The following RYR3 variants were observed in gnomAD, a reference collection of about 807,000 sequenced individuals.
RYR3 encodes the protein brain ryanodine receptor-calcium release channel.
Under a neutral mutation model 584.3 loss-of-function variants are expected in RYR3, and 207 were observed. The ratio of observed to expected loss-of-function variants is 0.35; its 90% CI spans 0.32 to 0.40. The LOEUF (loss-of-function observed/expected upper bound fraction) is 0.40, where lower values mean the gene tolerates loss of function less well. RYR3 is among the 10% of genes least tolerant of loss of function. RYR3 has a pLI of 1.00. For missense variants in RYR3, 5,616 were observed against 6,089.2 expected (o/e 0.92, Z 2.59); for synonymous variants, 2,416 against 2,248.5 (o/e 1.07, Z -2.11).
chr15:33,352,337 A>G (rs1973393422), intron 1 of RYR3, among the ~76,000 whole-genome samples: 1 of 151,128 alleles, frequency 6.6e-6, no homozygotes, highest in African/African-American at 2.4e-5. Context: ...TTTTATGGCC[A>G]TTTTCTTTAC....
At chr15:33,726,630 T>A in intron 46 of RYR3, 124 bp downstream of exon 46, 1 of 999,410 alleles carries the variant, frequency 1.0e-6, no homozygotes, top group South Asian at 1.9e-5. Context: ...ACAGGGCAAG[T>A]GTCTCACTCT....
intron 2 of RYR3, among the ~76,000 whole-genome samples, chr15:33,482,998 A>G (rs2050106029): frequency 6.6e-6 from 1 of 152,040 alleles, no homozygotes; most frequent in Non-Finnish European, 1.5e-5. Context: ...ATCTGCCTGA[A>G]TACTTTCCAT....
At chr15:33,772,680 A>G (rs1460476138) in intron 63 of RYR3, among the ~76,000 whole-genome samples, 2 of 152,196 alleles carry the variant, frequency 1.3e-5, no homozygotes, top group Non-Finnish European at 2.9e-5. Context: ...CCCTGTGCAG[A>G]TAGTCTGCCA....
At chr15:33,864,904 G>C in intron 103 of RYR3, 4 of 497,158 alleles carry the variant, frequency 8.0e-6, no homozygotes, top group Non-Finnish European at 1.4e-5. Flanking sequence ...GCTTGTTTGG[G>C]GCAGAGGGGG....
chr15:33,372,548 G>A (rs2040416348), intron 1 of RYR3, among the ~76,000 whole-genome samples: 1 of 151,748 alleles, frequency 6.6e-6, no homozygotes, highest in Non-Finnish European at 1.5e-5. Context: ...TGGATTTTTA[G>A]TAGAGACGAG....
Position 33,428,179 on chromosome 15 carries a change from A to G in RYR3, c.52-45240A>G, listed in dbSNP as rs907631249. 3.9e-5 allele frequency among the ~76,000 whole-genome samples: 6 copies of G among 152,332 alleles called. No homozygotes were observed. The South Asian group carries it at 1.0e-3, about 26-fold the overall frequency. ...GGATTTCCAGATAAGCTTATTGTTC[A>G]TCATATAGATGGCGCACATTTCCTT... On this transcript the variant is annotated intron_variant, in intron 1 of 103. Coordinates refer to ENST00000634891, the MANE Select transcript of RYR3 (RefSeq NM_001036.6).
At chr15:33,333,819 T>G (rs1198339405) in intron 1 of RYR3, among the ~76,000 whole-genome samples, 1 of 152,232 alleles carries the variant, frequency 6.6e-6, no homozygotes, top group African/African-American at 2.4e-5. Flanking sequence ...TAAAAGCTTC[T>G]TAAGCTGATA....
intron 19 of RYR3, among the ~76,000 whole-genome samples, chr15:33,617,963 G>A (rs2060534595): frequency 6.6e-6 from 1 of 152,110 alleles, no homozygotes; most frequent in South Asian, 2.1e-4. Context: ...TAGGCCCCCA[G>A]TGTAACAACC....
chr15:33,555,904 T>C (rs1033558879), intron 10 of RYR3, among the ~76,000 whole-genome samples: 5 of 152,208 alleles, frequency 3.3e-5, no homozygotes, highest in African/African-American at 1.2e-4. Flanking sequence ...TAGACTCTTA[T>C]CAATGTCCTG....
In RYR3 at chr15:33,367,634, A is replaced by G. The variant is rs967018804; in HGVS notation, c.51+56538A>G. ...GGAGCACAATTATTGGTTGTATACC[A>G]GGTGTGCTGGTAAAGGAGTTCATTC... On this transcript the variant is annotated intron_variant, in intron 1 of 103. Transcript: ENST00000634891. Among the ~76,000 whole-genome samples the G allele has an allele frequency of 1.4e-3, 207 of 152,352 alleles. 2 individuals are homozygous for G. The highest frequency in any genetic ancestry group is 4.8e-3 in the African/African-American group (199 of 41,580).
intron 1 of RYR3, among the ~76,000 whole-genome samples, chr15:33,404,530 C>T (rs1483501442): frequency 6.6e-6 from 1 of 150,938 alleles, no homozygotes; most frequent in African/African-American, 2.4e-5. Context: ...ACTAGCATAT[C>T]AATAAAATTA....
At chr15:33,523,118 C>T (rs1035027378) in intron 3 of RYR3, among the ~76,000 whole-genome samples, 2 of 152,094 alleles carry the variant, frequency 1.3e-5, no homozygotes, top group African/African-American at 4.8e-5. Context: ...AATCAGCACT[C>T]TGTGTCTAGC....
intron 74 of RYR3, among the ~76,000 whole-genome samples, chr15:33,813,986 A>G (rs1267033330): frequency 6.6e-6 from 1 of 152,224 alleles, no homozygotes; most frequent in African/African-American, 2.4e-5. Context: ...TGACACTGAA[A>G]TTACCATTTC....
intron 65 of RYR3, 104 bp from the exon 66 acceptor site, chr15:33,785,558 A>G: frequency 1.1e-6 from 1 of 941,968 alleles, no homozygotes; most frequent in South Asian, 1.8e-5. Context: ...GTGAAGCTCT[A>G]GAAATTTATT....
chr15:33,556,999 A>G (rs996216830), intron 10 of RYR3, among the ~76,000 whole-genome samples: 2 of 152,330 alleles, frequency 1.3e-5, no homozygotes, highest in Admixed American at 1.3e-4. Context: ...TCTTCATGTT[A>G]ACCTTTAAGC....
chr15:33,428,127 A>G (rs2044800891), intron 1 of RYR3, among the ~76,000 whole-genome samples: 1 of 152,184 alleles, frequency 6.6e-6, no homozygotes, highest in Non-Finnish European at 1.5e-5. Context: ...GTGGTAGTAG[A>G]AGGCCACCCC....
chr15:33,409,256 C>T lies in RYR3; in HGVS notation c.52-64163C>T, dbSNP rs865837347. ...TGTGCAGGTTAGTTACATATGTATA[C>T]ATGTGCCATGTTGGTGTGCTGCGTA... is the stretch of plus-strand genomic sequence containing the variant. On this transcript the variant is annotated intron_variant, in intron 1 of 103. Transcript: ENST00000634891. Among the ~76,000 whole-genome samples the T allele has an allele frequency of 6.0e-5, 9 of 151,094 alleles. No individual in the cohort carries two copies. In the South Asian group the frequency reaches 6.3e-4, roughly 11 times the overall value.
intron 1 of RYR3, among the ~76,000 whole-genome samples, chr15:33,470,452 A>C (rs1414640614): frequency 6.9e-6 from 1 of 145,830 alleles, no homozygotes; most frequent in Non-Finnish European, 1.5e-5. Flanking sequence ...GAGTTGTGTT[A>C]TTTTCTCTAT....
intron 1 of RYR3, among the ~76,000 whole-genome samples, chr15:33,455,355 G>C (rs1289200809): frequency 1.3e-5 from 2 of 152,124 alleles, no homozygotes; most frequent in Non-Finnish European, 2.9e-5. Context: ...TAAATAAAGA[G>C]ATTTGAGTTA....
Sources: allele counts gnomAD v4.1 joint callset (sites outside exome capture counted in the v4.1 genomes callset), GRCh38; gene constraint gnomAD v4.1.1; transcripts MANE v1.5; gene names NCBI Gene and HGNC (gene_info 2026-07-23, HGNC 2026-07-21).